The following LMX1B variants were observed in gnomAD, a reference collection of about 807,000 sequenced individuals.
The protein encoded by LMX1B is LIM homeobox transcription factor 1 beta.
LMX1B carries 12 observed loss-of-function variants against 51.4 expected under a neutral mutation model. The observed-to-expected ratio is 0.23, with a 90% CI of 0.15 to 0.38. The LOEUF is 0.38. Among genes scored for constraint, LMX1B ranks in the 10% least tolerant of loss-of-function variants. The probability of loss-of-function intolerance (pLI) is 1.00; values close to 1 mark genes in which losing one functional copy is unlikely to be tolerated. For synonymous variants in LMX1B, 237 were observed against 235.4 expected (o/e 1.01, Z -0.06); for missense variants, 445 against 571.1 (o/e 0.78, Z 2.25).
chr9:126,656,947 C>T (rs1397389712), intron 2 of LMX1B, among the ~76,000 whole-genome samples: 1 of 152,056 alleles, frequency 6.6e-6, no homozygotes, highest in Non-Finnish European at 1.5e-5. Flanking sequence ...GACACCAGGC[C>T]CTCTGACCTT....
rs2030335752 is a variant in LMX1B at position 126,696,381 on chromosome 9, C to A, written c.1139C>A (p.Ser380Tyr). Residue 380 changes from serine (S) to tyrosine (Y), a missense_variant, in exon 8 of 8, where the codon TCC becomes TAC. By Grantham distance (144) the Ser-to-Tyr change is moderately radical. Transcript: ENST00000373474. ...DCFLGSSDVG[S>Y]LQARVGNPID... ...TTCCTCGGCTCCTCAGACGTGGGCT[C>A]CCTGCAGGCCCGCGTGGGGAACCCC... is the stretch of plus-strand genomic sequence containing the variant. The A allele has an allele frequency of 6.2e-7, 1 of 1,613,990 alleles. No individual in the cohort carries two copies. The highest frequency in any genetic ancestry group is 1.3e-5 in the African/African-American group (1 of 74,920).
intron 2 of LMX1B, among the ~76,000 whole-genome samples, chr9:126,665,890 A>G (rs1451310818): frequency 6.6e-6 from 1 of 152,344 alleles, no homozygotes. Flanking sequence ...GGGCTACACC[A>G]TTGTCTCCAG....
chr9:126,691,113 T>C, intron 3 of LMX1B, 45 bp downstream of exon 3: 1 of 1,494,818 alleles, frequency 6.7e-7, no homozygotes, highest in African/African-American at 1.4e-5. Flanking sequence ...GGACGGGGGT[T>C]GCTGGGGTGT....
At position 126,692,132 on chromosome 9, in the gene LMX1B, C is replaced by T. The variant is rs1408009542; in HGVS notation, c.560-1010C>T. The stretch of plus-strand genomic sequence containing the variant: ...TGGGAAGGGTTTTCCATGGCCAGGG[C>T]CTGCGTGGAGGCAGTGAGCCCACCA... On this transcript the variant is annotated intron_variant, in intron 3 of 7. Coordinates refer to ENST00000373474, the MANE Select transcript of LMX1B (RefSeq NM_001174147.2). Among the ~76,000 whole-genome samples, 4 of 152,234 alleles carry T rather than the reference C, an allele frequency of 2.6e-5. No individual in the cohort carries two copies. In the East Asian group the frequency reaches 7.7e-4, roughly 29 times the overall value.
chr9:126,656,307 C>T (rs1053775757), intron 2 of LMX1B, among the ~76,000 whole-genome samples: 1 of 152,014 alleles, frequency 6.6e-6, no homozygotes, highest in Non-Finnish European at 1.5e-5. Context: ...CCCAGCACTT[C>T]GAGAGGCCAA....
intron 2 of LMX1B, among the ~76,000 whole-genome samples, chr9:126,648,595 C>T (rs566620478): frequency 2.0e-5 from 3 of 152,164 alleles, no homozygotes; most frequent in South Asian, 4.1e-4. Flanking sequence ...GGACTGGGGA[C>T]GATCATTAAT....
At chr9:126,651,322 C>T (rs930048105) in intron 2 of LMX1B, among the ~76,000 whole-genome samples, 2 of 148,816 alleles carry the variant, frequency 1.3e-5, no homozygotes, top group African/African-American at 2.5e-5. Context: ...CAAGCTGCCC[C>T]GGGAAGGGCA....
At chr9:126,631,295 GTAA>G (rs1292617761) in intron 2 of LMX1B, among the ~76,000 whole-genome samples, 2 of 152,240 alleles carry the variant, frequency 1.3e-5, no homozygotes, top group African/African-American at 4.8e-5. Context: ...AGTAATGATA[GTAA>G]TAATAATGAT....
intron 2 of LMX1B, among the ~76,000 whole-genome samples, chr9:126,620,344 A>G (rs1033350227): frequency 6.6e-6 from 1 of 152,186 alleles, no homozygotes; most frequent in Non-Finnish European, 1.5e-5. Context: ...GATCTTCGCT[A>G]AGTGGTTGCC....
intron 2 of LMX1B, among the ~76,000 whole-genome samples, chr9:126,617,975 A>G (rs1480723931): frequency 1.3e-5 from 2 of 152,042 alleles, no homozygotes; most frequent in Middle Eastern, 3.4e-3. Context: ...TCACAGGGAG[A>G]TGGAGCGCCG....
intron 2 of LMX1B, among the ~76,000 whole-genome samples, chr9:126,630,823 C>T (rs534430883): frequency 6.6e-6 from 1 of 152,392 alleles, no homozygotes; most frequent in African/African-American, 2.4e-5. Context: ...AGTGGAAGTC[C>T]ATGCCATGGA....
rs112173596 is a variant in LMX1B at position 126,693,123 on chromosome 9, C to T, written c.560-19C>T. 3.2e-3 allele frequency: 5,038 copies of T among 1,554,862 alleles called. 29 individuals carry two copies. Among genetic ancestry groups the T allele is most frequent in the African/African-American group, 0.016 (1,174 of 73,426 alleles). The stretch of plus-strand genomic sequence containing the variant: ...CTGCCCCCGCCCCTTCATCACAGGC[C>T]GGGTTGTGTCCCCCACAGTGAAGAG... On this transcript the variant is annotated intron_variant, in intron 3 of 7. Coordinates refer to ENST00000373474, the MANE Select transcript of LMX1B (RefSeq NM_001174147.2).
At chr9:126,630,224 C>T (rs906096188) in intron 2 of LMX1B, among the ~76,000 whole-genome samples, 1 of 151,340 alleles carries the variant, frequency 6.6e-6, no homozygotes, top group Non-Finnish European at 1.5e-5. Context: ...AATTGGGGCT[C>T]AGAGGGGTGA....
At chr9:126,633,675 T>C (rs1281806300) in intron 2 of LMX1B, among the ~76,000 whole-genome samples, 2 of 152,196 alleles carry the variant, frequency 1.3e-5, no homozygotes, top group Non-Finnish European at 2.9e-5. Context: ...TCCCTGTAGC[T>C]GTCCCCTCCT....
chr9:126,632,207 G>A (rs1442107562), intron 2 of LMX1B, among the ~76,000 whole-genome samples: 1 of 152,190 alleles, frequency 6.6e-6, no homozygotes, highest in Non-Finnish European at 1.5e-5. Context: ...GTCCATGGGA[G>A]CCGTTTTTCT....
chr9:126,617,924 G>A (rs1022187509), intron 2 of LMX1B, among the ~76,000 whole-genome samples: 1 of 117,764 alleles, frequency 8.5e-6, no homozygotes, highest in Non-Finnish European at 1.7e-5. Flanking sequence ...GGGGTGGGGG[G>A]TGGGGTGATT....
At position 126,681,221 on chromosome 9, in the gene LMX1B, A is replaced by G. The variant is rs145806016; in HGVS notation, c.327-9615A>G. Among the ~76,000 whole-genome samples, 182 of 152,204 alleles carry G rather than the reference A, an allele frequency of 1.2e-3. 3 individuals carry two copies. In the East Asian group the frequency reaches 0.032, roughly 27 times the overall value. On this transcript the variant is annotated intron_variant, in intron 2 of 7. Transcript: ENST00000373474. ...CTCCATCCTGGCAGCATCTCCACAC[A>G]GCATCTCCAGTCTGTGCCTCTCCCT...
intron 6 of LMX1B, 44 bp downstream of exon 6, chr9:126,693,856 G>C (rs752189367): frequency 2.1e-6 from 2 of 942,994 alleles, no homozygotes; most frequent in Admixed American, 4.0e-5. Context: ...GTGAGCTGGG[G>C]CCGGGGCCAG....
intron 2 of LMX1B, among the ~76,000 whole-genome samples, chr9:126,633,620 G>C (rs569165040): frequency 6.6e-6 from 1 of 152,226 alleles, no homozygotes; most frequent in South Asian, 2.1e-4. Context: ...GTACCCTCCG[G>C]GAGATGGGAA....
Sources: allele counts gnomAD v4.1 joint callset (sites outside exome capture counted in the v4.1 genomes callset), GRCh38; gene constraint gnomAD v4.1.1; transcripts MANE v1.5; gene names NCBI Gene and HGNC (gene_info 2026-07-23, HGNC 2026-07-21).